Variants in BLNK observed in about 807,000 individuals in gnomAD.
The protein encoded by BLNK is B cell linker, also known as B-cell linker protein.
A neutral mutation model predicts 73.5 loss-of-function variants in BLNK; 29 were observed. The ratio of observed to expected loss-of-function variants is 0.39; its 90% confidence interval spans 0.29 to 0.54. The LOEUF (loss-of-function observed/expected upper bound fraction) is 0.54. BLNK is among the 20% of genes least tolerant of loss of function. The probability of loss-of-function intolerance (pLI) is 0.61; values close to 1 mark genes in which losing one functional copy is unlikely to be tolerated. For synonymous variants in BLNK, 176 were observed against 200.8 expected (o/e 0.88, Z 1.04); for missense variants, 460 against 562.8 (o/e 0.82, Z 1.85).
intron 1 of BLNK, among the ~76,000 whole-genome samples, chr10:96,250,026 A>G (rs1437796107): frequency 6.6e-6 from 1 of 152,236 alleles, no homozygotes; most frequent in Non-Finnish European, 1.5e-5. Context: ...ACCCACGTTC[A>G]AATGTATGTG....
At chr10:96,198,918 C>CA (rs1207768509) in intron 15 of BLNK, among the ~76,000 whole-genome samples, 1 of 152,212 alleles carries the variant, frequency 6.6e-6, no homozygotes, top group Non-Finnish European at 1.5e-5. Flanking sequence ...AGGCTGGTCT[C>CA]AAACTCCTGA....
At position 96,243,593 on chromosome 10, in the gene BLNK, TTG is replaced by T. The variant is rs587757328; in HGVS notation, c.114-811_114-810del. Among the ~76,000 whole-genome samples the T allele has an allele frequency of 3.5e-4, 54 of 152,236 alleles. No homozygotes were observed. The South Asian group carries it at 8.5e-3, about 24-fold the overall frequency. Reference sequence around the variant, plus strand: ...CAAGTGAACAGTGAGTGTCTCAGGATTGGAGATTATGAGACTTAGCATATTTA... The same window carrying T: ...CAAGTGAACAGTGAGTGTCTCAGGATGAGATTATGAGACTTAGCATATTTA... On this transcript the variant is annotated intron_variant, in intron 2 of 16. Transcript: ENST00000224337.
At chr10:96,230,949 A>G (rs1842478507) in intron 3 of BLNK, 115 bp from the exon 4 acceptor site, 1 of 1,054,786 alleles carries the variant, frequency 9.5e-7, no homozygotes, top group South Asian at 1.4e-5. Flanking sequence ...TTCTGGTGCC[A>G]TATACTTGAC....
chr10:96,189,705 A>G lies in BLNK; in HGVS notation c.*2268T>C, dbSNP rs2083299206. On this transcript the variant is annotated 3_prime_UTR_variant, in exon 17 of 17. Coordinates refer to ENST00000224337, the MANE Select transcript of BLNK (RefSeq NM_013314.4). ...CAGTTTCCTCATCATCAAAATCATC[A>G]TCATCATCATCATCATCATCATCAT... is the stretch of plus-strand genomic sequence containing the variant. The G allele has an allele frequency of 7.1e-6, 5 of 703,940 alleles. No homozygotes were observed. The highest frequency in any genetic ancestry group is 1.3e-5 in the Non-Finnish European group (5 of 382,260). The allele number at this position is 703,940 out of a possible 1,614,324, so 43.6% of individuals were successfully genotyped here.
intron 1 of BLNK, among the ~76,000 whole-genome samples, chr10:96,264,587 T>C (rs1374722972): frequency 6.6e-6 from 1 of 151,942 alleles, no homozygotes; most frequent in Non-Finnish European, 1.5e-5. Flanking sequence ...AAAGAGTTAT[T>C]TTGGAGGGGG....
Position 96,201,029 on chromosome 10 carries a change from C to T in BLNK, c.964G>A (p.Asp322Asn), listed in dbSNP as rs1371461399. ...RFTEGGNPTV[D>N]GPLPSFSSNS... ...GATGAAAAGCTGGGTAGGGGCCCAT[C>T]CACAGTTGGGTTTCCCCCTTCTGTA... Residue 322 changes from aspartate (D) to asparagine (N), a missense_variant, in exon 14 of 17, where the codon GAT (aspartate) becomes AAT (asparagine). Coordinates refer to ENST00000224337, the MANE Select transcript of BLNK (RefSeq NM_013314.4). The T allele has an allele frequency of 6.2e-7, 1 of 1,613,990 alleles. No individual in the cohort carries two copies. The highest frequency in any genetic ancestry group is 1.3e-5 in the African/African-American group (1 of 74,910).
At chr10:96,234,714 G>C (rs587624181) in intron 3 of BLNK, among the ~76,000 whole-genome samples, 3 of 152,186 alleles carry the variant, frequency 2.0e-5, no homozygotes, top group African/African-American at 7.2e-5. Context: ...GCATTGCAAA[G>C]AATGCCTCAA....
chr10:96,260,332 T>G (rs139531125), intron 1 of BLNK, among the ~76,000 whole-genome samples: 32 of 152,320 alleles, frequency 2.1e-4, no homozygotes, highest in African/African-American at 7.7e-4. Flanking sequence ...ACCGTGCATG[T>G]GTTCACTGTC....
At chr10:96,219,318 T>G (rs587689355) in intron 6 of BLNK, among the ~76,000 whole-genome samples, 1 of 152,354 alleles carries the variant, frequency 6.6e-6, no homozygotes, top group East Asian at 1.9e-4. Context: ...CAGGACCTTT[T>G]TGGTTCTATG....
At chr10:96,242,596 A>T in intron 3 of BLNK, 139 bp downstream of exon 3, 1 of 870,616 alleles carries the variant, frequency 1.1e-6, no homozygotes, top group Non-Finnish European at 1.9e-6. Flanking sequence ...TGCCTAATAG[A>T]TTTAGTCATT....
intron 4 of BLNK, among the ~76,000 whole-genome samples, chr10:96,228,103 T>C (rs1484906535): frequency 1.1e-4 from 17 of 150,788 alleles, no homozygotes; most frequent in Non-Finnish European, 1.6e-4. Context: ...TTCTTTTTTT[T>C]TTTTTCCTGT....
intron 3 of BLNK, among the ~76,000 whole-genome samples, chr10:96,232,917 C>T (rs35376329): frequency 0.11 from 15,726 of 148,452 alleles, 838 homozygotes; most frequent in Middle Eastern, 0.16. Flanking sequence ...TTGGTGCAAG[C>T]GATCCTGCTA....
At chr10:96,233,254 C>T (rs587724516) in intron 3 of BLNK, among the ~76,000 whole-genome samples, 2 of 152,340 alleles carry the variant, frequency 1.3e-5, no homozygotes, top group South Asian at 4.1e-4. Flanking sequence ...ATTTGCTCCA[C>T]CCTTTCTCAG....
intron 8 of BLNK, 28 bp downstream of exon 8, chr10:96,215,293 A>G: frequency 1.2e-6 from 2 of 1,607,476 alleles, no homozygotes; most frequent in Non-Finnish European, 1.7e-6. Context: ...TAGACGTAAA[A>G]CCAAACCAAA....
intron 2 of BLNK, among the ~76,000 whole-genome samples, chr10:96,245,975 G>A (rs996532932): frequency 2.0e-5 from 3 of 151,906 alleles, no homozygotes; most frequent in Non-Finnish European, 4.4e-5. Flanking sequence ...TTTCCCTGGT[G>A]AATCTGTATT....
At chr10:96,199,518 G>A (rs1554895531) in intron 15 of BLNK, 3 of 461,474 alleles carry the variant, frequency 6.5e-6, no homozygotes, top group Non-Finnish European at 1.3e-5. Flanking sequence ...TTGGAGGGCA[G>A]TGGAGGCTGT....
intron 1 of BLNK, among the ~76,000 whole-genome samples, chr10:96,261,884 A>G (rs1843772532): frequency 6.6e-6 from 1 of 152,210 alleles, no homozygotes; most frequent in African/African-American, 2.4e-5. Flanking sequence ...TGAAGTTTTT[A>G]TACTTTGAAC....
At chr10:96,237,116 T>C (rs1356598656) in intron 3 of BLNK, among the ~76,000 whole-genome samples, 1 of 152,208 alleles carries the variant, frequency 6.6e-6, no homozygotes, top group Non-Finnish European at 1.5e-5. Flanking sequence ...ATGGCAGGAC[T>C]GATGTTGGAT....
intron 1 of BLNK, among the ~76,000 whole-genome samples, chr10:96,266,130 T>C (rs1843986972): frequency 6.6e-6 from 1 of 152,228 alleles, no homozygotes; most frequent in East Asian, 1.9e-4. Flanking sequence ...AAGACCTTCT[T>C]TGAAAATGAA....
Sources: gnomAD v4.1 joint callset for allele counts (sites outside exome capture counted in the v4.1 genomes callset) on GRCh38, gnomAD v4.1.1 for gene constraint, MANE v1.5 for transcripts, NCBI Gene and HGNC (gene_info 2026-07-23, HGNC 2026-07-21) for gene names.